The following MBNL1 variants were observed in gnomAD, a reference collection of about 807,000 sequenced individuals.
MBNL1 encodes the protein muscleblind-like protein 1.
MBNL1 carries 8 observed loss-of-function variants against 42.2 expected under a neutral mutation model. The observed-to-expected ratio is 0.19, with a 90% CI of 0.11 to 0.34. The LOEUF is 0.34. Among genes scored for constraint, MBNL1 ranks in the 10% least tolerant of loss-of-function variants. The pLI is 1.00. For missense variants in MBNL1, 309 were observed against 495.3 expected (o/e 0.62, Z 3.57); for synonymous variants, 169 against 173.9 (o/e 0.97, Z 0.22).
chr3:152,453,909 T>G (rs567942582), intron 6 of MBNL1, among the ~76,000 whole-genome samples: 5 of 152,336 alleles, frequency 3.3e-5, no homozygotes, highest in Non-Finnish European at 7.4e-5. Context: ...CTGTACAATA[T>G]TTAAACTGGC....
intron 4 of MBNL1, among the ~76,000 whole-genome samples, chr3:152,439,600 G>A (rs1452281855): frequency 1.3e-5 from 2 of 152,140 alleles, no homozygotes; most frequent in East Asian, 1.9e-4. Context: ...TCTTAAAAAT[G>A]TAGTCACATC....
chr3:152,413,989 C>T (rs548864985), intron 2 of MBNL1, among the ~76,000 whole-genome samples: 1 of 152,158 alleles, frequency 6.6e-6, no homozygotes, highest in South Asian at 2.1e-4. Flanking sequence ...ACTATGTTGC[C>T]CAGGCTGGTC....
intron 2 of MBNL1, among the ~76,000 whole-genome samples, chr3:152,348,782 G>A (rs2094583255): frequency 6.6e-6 from 1 of 152,092 alleles, no homozygotes; most frequent in Non-Finnish European, 1.5e-5. Flanking sequence ...ATTATTAAAG[G>A]AAGACAGAGT....
At chr3:152,394,380 C>T (rs1560425533) in intron 2 of MBNL1, among the ~76,000 whole-genome samples, 1 of 152,220 alleles carries the variant, frequency 6.6e-6, no homozygotes. Flanking sequence ...TTCAGTTTGA[C>T]ACTGTTTTAG....
At chr3:152,321,468 T>G (rs2076456365) in intron 2 of MBNL1, among the ~76,000 whole-genome samples, 1 of 152,014 alleles carries the variant, frequency 6.6e-6, no homozygotes, top group African/African-American at 2.4e-5. Flanking sequence ...TCCGAGAGGG[T>G]AAGTCCCTGG....
At chr3:152,294,542 C>T (rs2057710407) in intron 1 of MBNL1, among the ~76,000 whole-genome samples, 1 of 152,012 alleles carries the variant, frequency 6.6e-6, no homozygotes, top group Admixed American at 6.6e-5. Context: ...CCTCGGCCTC[C>T]CAAAGTGCTG....
At chr3:152,379,835 C>G (rs1235146862) in intron 2 of MBNL1, among the ~76,000 whole-genome samples, 1 of 151,956 alleles carries the variant, frequency 6.6e-6, no homozygotes, top group African/African-American at 2.4e-5. Flanking sequence ...GCTTTTCCGC[C>G]TCTGCTCCAT....
chr3:152,410,275 A>G (rs1484914741), intron 2 of MBNL1, among the ~76,000 whole-genome samples: 1 of 152,168 alleles, frequency 6.6e-6, no homozygotes, highest in African/African-American at 2.4e-5. Flanking sequence ...AGCAGTTTGA[A>G]AGACTAATGA....
intron 2 of MBNL1, among the ~76,000 whole-genome samples, chr3:152,346,657 C>T (rs895186251): frequency 3.9e-5 from 6 of 151,926 alleles, no homozygotes; most frequent in Non-Finnish European, 1.5e-5. Flanking sequence ...TTGCCTGGGC[C>T]ATGTGAAGCC....
intron 2 of MBNL1, among the ~76,000 whole-genome samples, chr3:152,309,911 G>A (rs949484800): frequency 1.3e-5 from 2 of 152,132 alleles, no homozygotes; most frequent in Admixed American, 1.3e-4. Context: ...AAAGCACAAC[G>A]AAGATTAAAA....
intron 2 of MBNL1, among the ~76,000 whole-genome samples, chr3:152,249,541 G>A (rs1219497848): frequency 1.5e-5 from 2 of 129,142 alleles, no homozygotes; most frequent in South Asian, 2.7e-4. Flanking sequence ...TGAGTAGGTT[G>A]CGAAAATTTT....
At chr3:152,390,119 C>T (rs1270457006) in intron 2 of MBNL1, among the ~76,000 whole-genome samples, 4 of 151,298 alleles carry the variant, frequency 2.6e-5, no homozygotes, top group South Asian at 2.1e-4. Flanking sequence ...CCACCTGCTT[C>T]GGCCTCCCAA....
chr3:152,398,848 G>A (rs1400097944), intron 2 of MBNL1, among the ~76,000 whole-genome samples: 1 of 152,104 alleles, frequency 6.6e-6, no homozygotes, highest in African/African-American at 2.4e-5. Context: ...GTTTCCTGCT[G>A]CTCTTATTAC....
At chr3:152,361,826 T>G (rs1342516106) in intron 2 of MBNL1, among the ~76,000 whole-genome samples, 2 of 152,214 alleles carry the variant, frequency 1.3e-5, no homozygotes, top group Non-Finnish European at 2.9e-5. Flanking sequence ...CAAAGGTGAT[T>G]ACTGTACATT....
chr3:152,415,174 A>G (rs868249653), intron 3 of MBNL1, 63 bp downstream of exon 3: 43 of 1,414,886 alleles, frequency 3.0e-5, no homozygotes, highest in Non-Finnish European at 3.9e-5. Flanking sequence ...TTGTAGTACT[A>G]AAGTGATTAT....
intron 2 of MBNL1, among the ~76,000 whole-genome samples, chr3:152,377,034 A>C (rs2096937896): frequency 6.6e-6 from 1 of 152,188 alleles, no homozygotes; most frequent in Non-Finnish European, 1.5e-5. Context: ...TGTTGTTTTA[A>C]AACAAAGCCC....
chr3:152,258,292 G>T (rs547347307), intron 2 of MBNL1, among the ~76,000 whole-genome samples: 1 of 152,284 alleles, frequency 6.6e-6, no homozygotes, highest in South Asian at 2.1e-4. Context: ...TAATTCTCAT[G>T]AAGTCATTTA....
At chr3:152,366,155 G>A (rs1456537420) in intron 2 of MBNL1, among the ~76,000 whole-genome samples, 1 of 152,124 alleles carries the variant, frequency 6.6e-6, no homozygotes, top group Non-Finnish European at 1.5e-5. Flanking sequence ...TGATCACAGT[G>A]TAGCTAAAAA....
rs138620609 is a variant in MBNL1, at chr3:152,369,518, G to T, written c.175-45423G>T. ...GGTTTTTGGTATCAGGATGACACTG[G>T]CCTCATAAAATGAGTGATGGAGGAG... On this transcript the variant is annotated intron_variant, in intron 2 of 9. Transcript: ENST00000324210. 2.0e-3 allele frequency among the ~76,000 whole-genome samples: 300 copies of T among 152,224 alleles called. 5 individuals carry two copies. Among genetic ancestry groups the T allele is most frequent in the East Asian group, 1.4e-3 (7 of 5,184 alleles).
Sources: allele counts gnomAD v4.1 joint callset (sites outside exome capture counted in the v4.1 genomes callset), GRCh38; gene constraint gnomAD v4.1.1; transcripts MANE v1.5; gene names NCBI Gene and HGNC (gene_info 2026-07-23, HGNC 2026-07-21).